The following SPIDR variants were observed in gnomAD, a reference collection of about 807,000 sequenced individuals.
SPIDR encodes DNA repair-scaffolding protein.
SPIDR carries 93 observed loss-of-function variants against 104.6 expected under a neutral mutation model. That is an observed-to-expected ratio of 0.89 (90% CI 0.75 to 1.06). SPIDR has a LOEUF of 1.06. Among genes scored for constraint, SPIDR ranks in the 50% least tolerant of loss-of-function variants. The probability of loss-of-function intolerance (pLI) is 0.00; values close to 1 mark genes in which losing one functional copy is unlikely to be tolerated. For synonymous variants in SPIDR, 431 were observed against 416.9 expected, an observed-to-expected ratio of 1.03 and a Z score of -0.41; for missense variants, 1,154 against 1,111.2, an observed-to-expected ratio of 1.04 and a Z score of -0.55.
At chr8:47,267,348 T>G (rs1331954637) in intron 1 of SPIDR, among the ~76,000 whole-genome samples, 1 of 152,234 alleles carries the variant, frequency 6.6e-6, no homozygotes, top group African/African-American at 2.4e-5. Flanking sequence ...GTATATGCAT[T>G]TTTATGTAGA....
chr8:47,712,803 G>A lies in SPIDR; in HGVS notation c.2119G>A (p.Glu707Lys). 1 of 1,614,142 alleles carries A rather than the reference G, an allele frequency of 6.2e-7. No individual in the cohort carries two copies. ...GGCCCCCTTGTGTGTGCTGGGCTCTGAAGTCCTGGAGGCACTCGCTGGGGC... is the reference window on the plus strand; with the variant it reads ...GGCCCCCTTGTGTGTGCTGGGCTCTAAAGTCCTGGAGGCACTCGCTGGGGC... ...YVAPLCVLGS[E>K]VLEALAGAAP... The change falls in exon 15 of 20, where the codon GAA (glutamate) becomes AAA (lysine). Residue 707 changes from glutamate (E) to lysine (K), a missense_variant. Physicochemically the swap from Glu to Lys is moderately conservative, Grantham distance 56. Coordinates refer to ENST00000297423, the MANE Select transcript of SPIDR (RefSeq NM_001080394.4).
intron 10 of SPIDR, among the ~76,000 whole-genome samples, chr8:47,633,558 G>GAAAAAAAAA (rs113678854): frequency 7.4e-6 from 1 of 134,310 alleles, no homozygotes. Flanking sequence ...GCAAATGATT[G>GAAAAAAAAA]AAAAAAAAAA....
At chr8:47,333,273 A>C (rs2049091656) in intron 5 of SPIDR, among the ~76,000 whole-genome samples, 1 of 152,246 alleles carries the variant, frequency 6.6e-6, no homozygotes, top group African/African-American at 2.4e-5. Flanking sequence ...TAACTTAAGA[A>C]AAATAAGTGA....
rs939718270 is a variant in SPIDR, at chr8:47,355,706, C to T, written c.526-40670C>T. 3.3e-5 allele frequency among the ~76,000 whole-genome samples: 5 copies of T among 152,132 alleles called. 1 individual carries two copies. The highest frequency in any genetic ancestry group is 1.3e-4 in the Admixed American group (2 of 15,278). ...ACTTTAATCAGAGTCCAGTGAAGTT[C>T]GAATGGAAGTTACATGTTTTCCCAT... On this transcript the variant is annotated intron_variant, in intron 5 of 19. Coordinates refer to ENST00000297423, the MANE Select transcript of SPIDR (RefSeq NM_001080394.4).
chr8:47,267,189 CT>C (rs555122524), intron 1 of SPIDR, among the ~76,000 whole-genome samples: 9 of 148,784 alleles, frequency 6.0e-5, no homozygotes, highest in African/African-American at 9.9e-5. Context: ...TTGCTTTGAA[CT>C]TTTTTTTTTA....
intron 8 of SPIDR, among the ~76,000 whole-genome samples, chr8:47,496,513 TAAA>T (rs2079462584): frequency 6.6e-6 from 1 of 152,190 alleles, no homozygotes; most frequent in Non-Finnish European, 1.5e-5. Context: ...TTTCAAGTGG[TAAA>T]GCAACCTATG....
At chr8:47,700,300 TGGCCTTA>T (rs1247785849) in intron 11 of SPIDR, 96 bp from the exon 12 acceptor site, 1 of 1,169,724 alleles carries the variant, frequency 8.5e-7, no homozygotes, top group Non-Finnish European at 1.3e-6. Flanking sequence ...TGTAGTTCCA[TGGCCTTA>T]GGCATTAGAG....
chr8:47,559,606 C>A (rs1253006276), intron 8 of SPIDR, among the ~76,000 whole-genome samples: 1 of 152,098 alleles, frequency 6.6e-6, no homozygotes, highest in African/African-American at 2.4e-5. Flanking sequence ...TTTTTAAATG[C>A]AAGTGTTGTT....
chr8:47,721,216 A>G (rs2083347640), intron 16 of SPIDR, among the ~76,000 whole-genome samples: 4 of 152,150 alleles, frequency 2.6e-5, no homozygotes, highest in African/African-American at 7.2e-5. Flanking sequence ...TTTTCTTTCT[A>G]GGAGTTTCGT....
At chr8:47,496,092 G>GT (rs1050690178) in intron 8 of SPIDR, among the ~76,000 whole-genome samples, 3 of 151,930 alleles carry the variant, frequency 2.0e-5, no homozygotes, top group Non-Finnish European at 4.4e-5. Context: ...ACTCATAACA[G>GT]TTTTTTTAAG....
intron 8 of SPIDR, among the ~76,000 whole-genome samples, chr8:47,588,789 T>G (rs1333660798): frequency 6.6e-6 from 1 of 152,198 alleles, no homozygotes. Flanking sequence ...GGATGGACGT[T>G]GAATTATGTC....
At chr8:47,733,262 C>T (rs1198087348) in intron 19 of SPIDR, among the ~76,000 whole-genome samples, 2 of 152,110 alleles carry the variant, frequency 1.3e-5, no homozygotes, top group African/African-American at 4.8e-5. Flanking sequence ...TGGTGCGCAC[C>T]TGTAATCCCA....
intron 14 of SPIDR, among the ~76,000 whole-genome samples, chr8:47,707,832 C>T (rs181452799): frequency 1.1e-4 from 16 of 152,262 alleles, no homozygotes; most frequent in Middle Eastern, 3.4e-3. Context: ...CCATTCATTC[C>T]AGCACCATTT....
intron 8 of SPIDR, among the ~76,000 whole-genome samples, chr8:47,505,315 C>A (rs1022049491): frequency 1.1e-4 from 16 of 152,220 alleles, no homozygotes; most frequent in African/African-American, 3.6e-4. Flanking sequence ...CTTTGTTTAC[C>A]TACCCAAGCC....
At chr8:47,317,827 A>G (rs1306274105) in intron 5 of SPIDR, among the ~76,000 whole-genome samples, 2 of 152,162 alleles carry the variant, frequency 1.3e-5, no homozygotes, top group African/African-American at 4.8e-5. Context: ...GCTGATACTC[A>G]GGGAAACAGG....
intron 8 of SPIDR, among the ~76,000 whole-genome samples, chr8:47,478,559 G>A (rs1554724977): frequency 6.6e-6 from 1 of 152,228 alleles, no homozygotes; most frequent in African/African-American, 2.4e-5. Context: ...CCGGAACACA[G>A]CACTGGGGAG....
intron 19 of SPIDR, chr8:47,732,588 G>A (rs988303946): frequency 5.3e-6 from 1 of 189,656 alleles, no homozygotes; most frequent in African/African-American, 2.3e-5. Context: ...CACAGTGGCT[G>A]ATCAGGTCTT....
intron 5 of SPIDR, among the ~76,000 whole-genome samples, chr8:47,358,831 A>T (rs530799117): frequency 1.2e-4 from 19 of 152,344 alleles, no homozygotes; most frequent in African/African-American, 4.6e-4. Flanking sequence ...GTTAGGACGT[A>T]GGATACATAT....
rs1564351198 is a variant in SPIDR, at chr8:47,565,983, TA to T, written c.1098-29827del. On this transcript the variant is annotated intron_variant, in intron 8 of 19. Coordinates refer to ENST00000297423, the MANE Select transcript of SPIDR (RefSeq NM_001080394.4). Reference sequence around the variant, plus strand: ...TGATATTTATACTCATATATATATATATATATATATTTTTTTTTTTTTTTTT... The same window carrying T: ...TGATATTTATACTCATATATATATATTATATATATTTTTTTTTTTTTTTTT... Among the ~76,000 whole-genome samples the T allele has an allele frequency of 7.6e-3, 359 of 47,330 alleles. 6 individuals carry two copies. Among genetic ancestry groups the T allele is most frequent in the Non-Finnish European group, 0.016 (289 of 18,552 alleles). 31.1% of individuals were successfully genotyped at this position (47,330 alleles called of 152,430 possible).
Sources: gnomAD v4.1 joint callset for allele counts (sites outside exome capture counted in the v4.1 genomes callset) on GRCh38, gnomAD v4.1.1 for gene constraint, MANE v1.5 for transcripts, NCBI Gene and HGNC (gene_info 2026-07-23, HGNC 2026-07-21) for gene names.